The following MAMDC2 variants were observed in gnomAD, a reference collection of about 807,000 sequenced individuals.
The protein encoded by MAMDC2 is MAM domain containing 2, also known as MAM domain-containing protein 2.
MAMDC2 carries 57 observed loss-of-function variants against 89.8 expected under a neutral mutation model. That is an observed-to-expected ratio of 0.63 (90% CI 0.51 to 0.79). MAMDC2 has a LOEUF of 0.79. MAMDC2 is among the 30% of genes least tolerant of loss of function. The pLI, the probability that MAMDC2 is intolerant of heterozygous loss-of-function variation, is 0.00. For missense variants in MAMDC2, 800 were observed against 820.6 expected (o/e 0.97, Z 0.31); for synonymous variants, 313 against 293.4 (o/e 1.07, Z -0.68).
At chr9:70,143,482 A>T in intron 8 of MAMDC2, 72 bp from the exon 9 acceptor site, 1 of 1,525,972 alleles carries the variant, frequency 6.6e-7, no homozygotes. Context: ...GTTCTACTTT[A>T]ATCATATTTT....
chr9:70,051,788 A>G (rs1171871563), intron 2 of MAMDC2, among the ~76,000 whole-genome samples: 1 of 152,130 alleles, frequency 6.6e-6, no homozygotes, highest in African/African-American at 2.4e-5. Context: ...TTCTTAACCA[A>G]CTAAATCATA....
At chr9:70,115,620 T>G (rs11141697) in intron 5 of MAMDC2, among the ~76,000 whole-genome samples, 23,836 of 152,140 alleles carry the variant, frequency 0.16, 1,866 homozygotes, top group East Asian at 0.18. Context: ...CCTCCCAAAG[T>G]GCTGTTTAGC....
intron 6 of MAMDC2, among the ~76,000 whole-genome samples, chr9:70,128,359 T>G (rs993463848): frequency 6.6e-6 from 1 of 152,196 alleles, no homozygotes; most frequent in African/African-American, 2.4e-5. Flanking sequence ...AAGTTTGTAA[T>G]GTTAATTTGC....
At chr9:70,192,165 C>T (rs1003020395) in intron 11 of MAMDC2, among the ~76,000 whole-genome samples, 1 of 152,018 alleles carries the variant, frequency 6.6e-6, no homozygotes, top group African/African-American at 2.4e-5. Flanking sequence ...AGATCTTGAT[C>T]CCTCATGTCC....
chr9:70,125,607 A>G (rs188162637), intron 5 of MAMDC2, among the ~76,000 whole-genome samples: 3 of 152,338 alleles, frequency 2.0e-5, no homozygotes, highest in Admixed American at 6.5e-5. Context: ...GCTATTAACA[A>G]CACACAAATT....
At chr9:70,052,926 G>T (rs1397934042) in intron 2 of MAMDC2, among the ~76,000 whole-genome samples, 1 of 152,068 alleles carries the variant, frequency 6.6e-6, no homozygotes, top group Non-Finnish European at 1.5e-5. Context: ...AAAAGCTCTT[G>T]GATTATTTAC....
intron 2 of MAMDC2, among the ~76,000 whole-genome samples, chr9:70,049,568 G>A (rs990859373): frequency 1.3e-5 from 2 of 152,150 alleles, no homozygotes; most frequent in Non-Finnish European, 2.9e-5. Flanking sequence ...GGCCAGGGAC[G>A]AGTTATGCTC....
intron 11 of MAMDC2, among the ~76,000 whole-genome samples, chr9:70,215,196 C>G (rs191923358): frequency 1.3e-5 from 2 of 152,292 alleles, no homozygotes; most frequent in South Asian, 4.2e-4. Flanking sequence ...CAGGAGAATA[C>G]AGTGTCTTGC....
At chr9:70,044,446 G>T in intron 1 of MAMDC2, 138 bp from the exon 2 acceptor site, 1 of 807,750 alleles carries the variant, frequency 1.2e-6, no homozygotes, top group Non-Finnish European at 2.0e-6. Context: ...GATGCTGGGG[G>T]ACAGGTACTG....
chr9:70,111,095 CCT>C (rs1828499770), intron 4 of MAMDC2, among the ~76,000 whole-genome samples: 1 of 152,138 alleles, frequency 6.6e-6, no homozygotes, highest in African/African-American at 2.4e-5. Flanking sequence ...TTTCCTTGAG[CCT>C]CCCGCTGGGC....
At position 70,044,642 on chromosome 9, in the gene MAMDC2, C is replaced by T. The variant is rs1446158070; in HGVS notation, c.93C>T (p.Ser31=). The change falls in exon 2 of 14, where the codon AGC becomes AGT. Residue 31 remains serine, a synonymous_variant. Transcript: ENST00000377182. ...CTGGGTCCTGTGCCTTTGAAGAGAG[C>T]ACTTGCGGCTTTGACTCCGTGTTGG... ...LPAGSCAFEE[S]TCGFDSVLAS... 5 of 1,551,580 alleles carry T rather than the reference C, an allele frequency of 3.2e-6. No individual in the cohort carries two copies. The highest frequency in any genetic ancestry group is 4.4e-6 in the Non-Finnish European group (5 of 1,146,980).
intron 2 of MAMDC2, among the ~76,000 whole-genome samples, chr9:70,084,031 C>A (rs1827713326): frequency 6.6e-6 from 1 of 152,032 alleles, no homozygotes; most frequent in African/African-American, 2.4e-5. Context: ...TGATCTCGAG[C>A]CATACAAAGA....
chr9:70,183,309 AAGAATGTATATTCTCCTGATTT>A (rs1290226318), intron 11 of MAMDC2, among the ~76,000 whole-genome samples: 10 of 152,218 alleles, frequency 6.6e-5, no homozygotes, highest in Admixed American at 6.5e-4. Flanking sequence ...TGTTGCTGAG[AAGAATGTATATTCTCCTGATTT>A]GGGGTGGAGA....
chr9:70,097,389 T>A (rs1001573873), intron 2 of MAMDC2, among the ~76,000 whole-genome samples: 14 of 152,156 alleles, frequency 9.2e-5, no homozygotes, highest in Non-Finnish European at 1.6e-4. Context: ...CTGAGGCAAA[T>A]GATATTGACA....
At chr9:70,058,127 GA>G (rs1727353679) in intron 2 of MAMDC2, among the ~76,000 whole-genome samples, 1 of 152,200 alleles carries the variant, frequency 6.6e-6, no homozygotes, top group Admixed American at 6.5e-5. Context: ...TATGAATAAT[GA>G]CAATTATTTT....
chr9:70,072,366 G>T (rs1196242941), intron 2 of MAMDC2, among the ~76,000 whole-genome samples: 2 of 152,156 alleles, frequency 1.3e-5, no homozygotes, highest in African/African-American at 4.8e-5. Flanking sequence ...TCCTGAGTCT[G>T]GCTGAGGCTT....
At chr9:70,195,845 G>A (rs56860643) in intron 11 of MAMDC2, among the ~76,000 whole-genome samples, 10,493 of 152,106 alleles carry the variant, frequency 0.069, 582 homozygotes, top group East Asian at 0.22. Flanking sequence ...GAAAGTTCTC[G>A]ACTTGATAAG....
intron 11 of MAMDC2, among the ~76,000 whole-genome samples, chr9:70,199,427 C>T (rs1017061891): frequency 2.4e-4 from 35 of 148,600 alleles, no homozygotes; most frequent in African/African-American, 8.4e-4. Context: ...ATATGTGCCA[C>T]ATTTTCTTAA....
intron 2 of MAMDC2, among the ~76,000 whole-genome samples, chr9:70,069,858 C>T (rs904727057): frequency 1.3e-5 from 2 of 152,180 alleles, no homozygotes; most frequent in Non-Finnish European, 2.9e-5. Flanking sequence ...CCTAGGACAT[C>T]GTTTTCATGT....
Sources: gnomAD v4.1 joint callset for allele counts (sites outside exome capture counted in the v4.1 genomes callset) on GRCh38, gnomAD v4.1.1 for gene constraint, MANE v1.5 for transcripts, NCBI Gene and HGNC (gene_info 2026-07-23, HGNC 2026-07-21) for gene names.